Variants in NME9 observed in about 807,000 individuals in gnomAD.
The protein encoded by NME9 is NME/NM23 family member 9.
A neutral mutation model predicts 44.4 loss-of-function variants in NME9; 48 were observed. The ratio of observed to expected loss-of-function variants is 1.08; its 90% CI spans 0.86 to 1.37. NME9 has a LOEUF of 1.37. Ranked by LOEUF, NME9 falls within the 40% of genes most tolerant of loss-of-function variation. The pLI is 0.00. For missense variants in NME9, 325 were observed against 405.2 expected (o/e 0.80, Z 1.70); for synonymous variants, 139 against 147.1 (o/e 0.94, Z 0.40).
intron 5 of NME9, 60 bp from the exon 6 acceptor site, chr3:138,314,467 T>C: frequency 1.0e-6 from 1 of 985,878 alleles, no homozygotes; most frequent in Non-Finnish European, 1.6e-6. Flanking sequence ...CACTAAGACC[T>C]TCAAAAACCT....
At chr3:138,285,016 A>T (rs1355873612) in intron 8 of NME9, among the ~76,000 whole-genome samples, 1 of 152,174 alleles carries the variant, frequency 6.6e-6, no homozygotes, top group Non-Finnish European at 1.5e-5. Flanking sequence ...TCCACTTCTC[A>T]TTCTGTCAAC....
At chr3:138,274,895 G>A (rs2049128393) in intron 8 of NME9, among the ~76,000 whole-genome samples, 1 of 152,034 alleles carries the variant, frequency 6.6e-6, no homozygotes, top group Non-Finnish European at 1.5e-5. Context: ...AGCCCTCTCC[G>A]CCGCCATGCT....
intron 8 of NME9, chr3:138,287,485 G>A: frequency 6.3e-6 from 2 of 319,430 alleles, no homozygotes; most frequent in South Asian, 5.2e-5. Context: ...ATAGTAATTT[G>A]TGTCCTTAAA....
chr3:138,315,605 G>A lies in NME9; in HGVS notation c.306C>T (p.Ala102=). The A allele has an allele frequency of 1.3e-6, 2 of 1,536,664 alleles. No homozygotes were observed. Among genetic ancestry groups the A allele is most frequent in the East Asian group, 2.4e-5 (1 of 40,918 alleles). The change falls in exon 5 of 11, where the codon GCC becomes GCT. Residue 102 remains alanine, a synonymous_variant. Transcript: ENST00000333911. ...ELVAVVRGAN[A]PLLQKTILDQ... ...CTAGGATGGTTTTCTGCAGCAGTGG[G>A]GCATTTGCTCCTCTAACCACAGCCA...
chr3:138,288,475 G>T (rs190029467), intron 8 of NME9, among the ~76,000 whole-genome samples: 57 of 152,222 alleles, frequency 3.7e-4, no homozygotes, highest in Non-Finnish European at 6.9e-4. Context: ...CAGCCAGATG[G>T]TTTTTTAAAT....
intron 1 of NME9, among the ~76,000 whole-genome samples, chr3:138,328,753 C>T (rs765270321): frequency 3.3e-5 from 5 of 152,154 alleles, no homozygotes; most frequent in African/African-American, 7.2e-5. Flanking sequence ...TTCACTTGTC[C>T]CACATGCAAA....
exon 9 of NME9, chr3:138,262,269 A>AGAGT (rs1303931554): frequency 2.7e-6 from 1 of 371,756 alleles, no homozygotes; most frequent in Non-Finnish European, 4.9e-6. Flanking sequence ...ATGAGGACAG[A>AGAGT]GAGTGATTGT....
At chr3:138,284,309 A>T in intron 8 of NME9, 1 of 704,658 alleles carries the variant, frequency 1.4e-6, no homozygotes, top group East Asian at 2.5e-5. Flanking sequence ...AAATCAGGGC[A>T]TTGAGAGTGG....
intron 8 of NME9, among the ~76,000 whole-genome samples, chr3:138,292,551 G>C (rs1274423956): frequency 1.3e-5 from 2 of 152,212 alleles, no homozygotes; most frequent in African/African-American, 2.4e-5. Flanking sequence ...ATTCAGTACA[G>C]GATGTTAAAG....
intron 8 of NME9, among the ~76,000 whole-genome samples, chr3:138,290,070 TTGGAAGTGCCAGC>T (rs917526235): frequency 2.6e-5 from 4 of 151,978 alleles, no homozygotes; most frequent in African/African-American, 9.7e-5. Flanking sequence ...TGATATGAAA[TTGGAAGTGCCAGC>T]TGTGCTGAGA....
intron 8 of NME9, among the ~76,000 whole-genome samples, chr3:138,284,277 A>C (rs1013173983): frequency 6.6e-6 from 1 of 152,178 alleles, no homozygotes; most frequent in Non-Finnish European, 1.5e-5. Context: ...TACTGTTACT[A>C]GCAATGATGT....
In NME9 at chr3:138,329,648, A is replaced by T; in HGVS notation, c.-313T>A. Reference sequence around the variant, plus strand: ...GGGGGCGCGCGCAGAGGCCGGAGTCAGTGCGCCGGGCGCGGTGCAGCCTGT... The same window carrying T: ...GGGGGCGCGCGCAGAGGCCGGAGTCTGTGCGCCGGGCGCGGTGCAGCCTGT... On this transcript the variant is annotated 5_prime_UTR_variant, in exon 1 of 11. Transcript: ENST00000333911. The T allele has an allele frequency of 8.2e-7, 1 of 1,217,808 alleles. No homozygotes were observed. The allele number at this position is 1,217,808 out of a possible 1,614,324, so 75.4% of individuals were successfully genotyped here.
intron 8 of NME9, chr3:138,274,610 C>T (rs1218872967): frequency 1.7e-6 from 2 of 1,183,084 alleles, no homozygotes; most frequent in Non-Finnish European, 2.5e-6. Context: ...TCTTAAGAGT[C>T]TCCTGAAATA....
At chr3:138,283,122 A>G (rs935250777) in intron 8 of NME9, among the ~76,000 whole-genome samples, 18 of 152,190 alleles carry the variant, frequency 1.2e-4, no homozygotes, top group African/African-American at 4.3e-4. Flanking sequence ...TTTCATGTCT[A>G]CTGTGTCTCA....
At chr3:138,303,128 G>A (rs1282758175) in intron 10 of NME9, 3 of 174,436 alleles carry the variant, frequency 1.7e-5, no homozygotes, top group Non-Finnish European at 1.2e-5. Context: ...AGCCCTTAGG[G>A]GCTTAACATG....
chr3:138,266,337 C>T (rs1438048313), intron 8 of NME9, among the ~76,000 whole-genome samples: 1 of 152,070 alleles, frequency 6.6e-6, no homozygotes, highest in Non-Finnish European at 1.5e-5. Flanking sequence ...AACACACTTG[C>T]TTATGGAGTG....
At chr3:138,307,272 C>T (rs1231077007) in intron 6 of NME9, among the ~76,000 whole-genome samples, 1 of 152,174 alleles carries the variant, frequency 6.6e-6, no homozygotes, top group Non-Finnish European at 1.5e-5. Flanking sequence ...AGGGAGGTGC[C>T]ACAGGATCAG....
intron 8 of NME9, among the ~76,000 whole-genome samples, chr3:138,291,144 C>G (rs990493316): frequency 2.0e-5 from 3 of 152,204 alleles, no homozygotes; most frequent in Admixed American, 2.0e-4. Context: ...GCCATAAATG[C>G]TCTTCCTAGC....
chr3:138,273,160 A>G, intron 8 of NME9: 1 of 1,569,842 alleles, frequency 6.4e-7, no homozygotes, highest in Non-Finnish European at 8.7e-7. Flanking sequence ...AGCCCTGCAT[A>G]TGCATTGCAA....
Sources: gnomAD v4.1 joint callset for allele counts (sites outside exome capture counted in the v4.1 genomes callset) on GRCh38, gnomAD v4.1.1 for gene constraint, MANE v1.5 for transcripts, NCBI Gene and HGNC (gene_info 2026-07-23, HGNC 2026-07-21) for gene names.